Variants in WASF2 observed in about 807,000 individuals in gnomAD.
The protein encoded by WASF2 is actin-binding protein WASF2.
In WASF2, 14 loss-of-function variants were observed where a neutral mutation model predicts 45.0. The observed-to-expected ratio is 0.31, with a 90% CI of 0.21 to 0.49. The LOEUF is 0.49. Ranked by LOEUF, WASF2 falls within the 20% of genes least tolerant of loss-of-function variation. The pLI is 0.99. For missense variants in WASF2, 439 were observed against 636.1 expected, an observed-to-expected ratio of 0.69 and a Z score of 3.33; for synonymous variants, 200 against 236.3, an observed-to-expected ratio of 0.85 and a Z score of 1.41.
Position 27,410,137 on chromosome 1 carries a change from G to T in WASF2, c.894C>A (p.Ser298Arg). The T allele has an allele frequency of 6.2e-7, 1 of 1,613,936 alleles. No homozygotes were observed. Among genetic ancestry groups the T allele is most frequent in the Non-Finnish European group, 8.5e-7 (1 of 1,179,900 alleles). ...CTAGAGGAGGAGCTGGTGGTGGATG[G>T]CTTGGGCTGACCACACTGGATCTTT... Reference protein sequence around the residue: ...GPKRSSVVSPSHPPPAPPLGS... With the variant: ...GPKRSSVVSPRHPPPAPPLGS... Residue 298 changes from serine (S) to arginine (R), a missense_variant, in exon 8 of 9, where the codon AGC (serine) becomes AGA (arginine). Physicochemically the swap from Ser to Arg is moderately radical, Grantham distance 110. This residue lies in a region of WASF2 where 286 missense variants were observed against 373.5 expected (regional missense o/e 0.77). Coordinates refer to ENST00000618852, the MANE Select transcript of WASF2 (RefSeq NM_006990.5). This position sits in a 1 kb window ranked among gnomAD's most constrained non-coding sequence, Gnocchi z 4.2.
intron 1 of WASF2, among the ~76,000 whole-genome samples, chr1:27,470,321 ACACCT>A (rs759783596): frequency 2.8e-4 from 43 of 152,332 alleles, no homozygotes; most frequent in Non-Finnish European, 5.1e-4. Context: ...AAGAAACTAT[ACACCT>A]CACCTAAGTT....
At chr1:27,418,867 G>A (rs1004312036) in intron 3 of WASF2, 87 bp downstream of exon 3, 26 of 1,099,668 alleles carry the variant, frequency 2.4e-5, no homozygotes, top group African/African-American at 3.3e-5. Context: ...CTCTCCTCAC[G>A]TTTTTTTTTT....
chr1:27,473,308 G>A (rs188122740), intron 1 of WASF2, among the ~76,000 whole-genome samples: 3 of 151,602 alleles, frequency 2.0e-5, no homozygotes, highest in East Asian at 3.9e-4. Flanking sequence ...GTGAAACCCC[G>A]TCTCTACTAA....
intron 1 of WASF2, chr1:27,459,198 T>C (rs1359372527): frequency 6.6e-6 from 1 of 152,204 alleles, no homozygotes; most frequent in African/African-American, 2.4e-5. Context: ...GCCGTGCCTG[T>C]CATGCAGTCT....
chr1:27,417,193 C>T (rs1014126851), intron 4 of WASF2, among the ~76,000 whole-genome samples: 3 of 152,070 alleles, frequency 2.0e-5, no homozygotes, highest in African/African-American at 7.2e-5. Flanking sequence ...TTATGCAATC[C>T]CACCACACAA....
At chr1:27,426,175 G>A (rs1041336575) in intron 2 of WASF2, among the ~76,000 whole-genome samples, 1 of 152,206 alleles carries the variant, frequency 6.6e-6, no homozygotes, top group African/African-American at 2.4e-5. Flanking sequence ...GTTGCGATGT[G>A]TACTCTGACT....
In WASF2 at chr1:27,414,874, C is replaced by A. The variant is rs879045639; in HGVS notation, c.627G>T (p.Gly209=). ...RKEEWEKMKM[G]QEFVESKEKL... Reference sequence around the variant, plus strand: ...TTTCTTTGGACTCCACAAATTCTTGCCCCATCTTCATTTTCTCCCACTCTT... The same window carrying A: ...TTTCTTTGGACTCCACAAATTCTTGACCCATCTTCATTTTCTCCCACTCTT... Residue 209 remains glycine, a synonymous_variant, in exon 6 of 9, where the codon GGG becomes GGT. Coordinates refer to ENST00000618852, the MANE Select transcript of WASF2 (RefSeq NM_006990.5). The surrounding 1 kb of genome is among the most constrained non-coding windows in gnomAD (Gnocchi z 4.1). The A allele has an allele frequency of 6.2e-7, 1 of 1,614,174 alleles. No individual in the cohort carries two copies. The highest frequency in any genetic ancestry group is 8.5e-7 in the Non-Finnish European group (1 of 1,180,022).
At chr1:27,452,092 A>C (rs1401654309) in intron 1 of WASF2, among the ~76,000 whole-genome samples, 1 of 152,208 alleles carries the variant, frequency 6.6e-6, no homozygotes, top group Non-Finnish European at 1.5e-5. Context: ...TCTGAGCCTC[A>C]GTTTTTACTT....
chr1:27,416,468 T>C lies in WASF2; in HGVS notation c.420-366A>G, dbSNP rs139435866. 2.3e-3 allele frequency among the ~76,000 whole-genome samples: 353 copies of C among 152,288 alleles called. 2 individuals carry two copies. The highest frequency in any genetic ancestry group is 8.0e-3 in the African/African-American group (333 of 41,558). ...CATCAGAGGGGATTTCTACCACTGGTTCCTCTTTTCCCACCAGTTCCCCAA... is the reference window on the plus strand; with the variant it reads ...CATCAGAGGGGATTTCTACCACTGGCTCCTCTTTTCCCACCAGTTCCCCAA... On this transcript the variant is annotated intron_variant, in intron 4 of 8. Coordinates refer to ENST00000618852, the MANE Select transcript of WASF2 (RefSeq NM_006990.5).
At chr1:27,436,281 A>G (rs1447897838) in intron 1 of WASF2, among the ~76,000 whole-genome samples, 1 of 152,082 alleles carries the variant, frequency 6.6e-6, no homozygotes, top group African/African-American at 2.4e-5. Context: ...CCTCATCTCT[A>G]TTAAAAACAA....
chr1:27,460,931 G>T (rs1465692466), intron 1 of WASF2, among the ~76,000 whole-genome samples: 1 of 152,150 alleles, frequency 6.6e-6, no homozygotes. Flanking sequence ...GAGGTCAGGA[G>T]ATCGAGACCA....
chr1:27,446,490 C>A (rs2017311022), intron 1 of WASF2, among the ~76,000 whole-genome samples: 1 of 152,102 alleles, frequency 6.6e-6, no homozygotes, highest in Admixed American at 6.6e-5. Flanking sequence ...AAGACAACTC[C>A]AAGACAAAAT....
intron 1 of WASF2, among the ~76,000 whole-genome samples, chr1:27,455,233 T>C (rs537768164): frequency 4.5e-4 from 68 of 152,206 alleles, no homozygotes; most frequent in Non-Finnish European, 5.1e-4. Context: ...CCACCCCTTT[T>C]CATAGGAAGG....
chr1:27,428,486 G>A (rs568751377), intron 2 of WASF2, among the ~76,000 whole-genome samples: 2 of 152,278 alleles, frequency 1.3e-5, no homozygotes, highest in Admixed American at 1.3e-4. Context: ...AGTTTTTGCT[G>A]CAGCCCTTCC....
chr1:27,428,337 T>C (rs2017015271), intron 2 of WASF2, among the ~76,000 whole-genome samples: 1 of 152,180 alleles, frequency 6.6e-6, no homozygotes, highest in African/African-American at 2.4e-5. Flanking sequence ...ATAAAAACTA[T>C]TGGCACATTT....
At chr1:27,419,850 A>T (rs902619611) in intron 2 of WASF2, among the ~76,000 whole-genome samples, 7 of 152,100 alleles carry the variant, frequency 4.6e-5, no homozygotes, top group Non-Finnish European at 1.0e-4. Flanking sequence ...CATAGCAGAG[A>T]TATACAACTT....
At position 27,457,000 on chromosome 1, in the gene WASF2, C is replaced by A. The variant is rs1275411689; in HGVS notation, c.-43-28067G>T. Among the ~76,000 whole-genome samples, 4 of 152,098 alleles carry A rather than the reference C, an allele frequency of 2.6e-5. No individual in the cohort carries two copies. The South Asian group carries it at 6.2e-4, about 24-fold the overall frequency. On this transcript the variant is annotated intron_variant, in intron 1 of 8. Coordinates refer to ENST00000618852, the MANE Select transcript of WASF2 (RefSeq NM_006990.5). ...CAGGTGATCTGCCCGTCTCGGCCCC[C>A]CAAAGTGCTGGGATTTACAGGCGTG... is the stretch of plus-strand genomic sequence containing the variant.
chr1:27,484,338 A>G (rs1160889878), intron 1 of WASF2, among the ~76,000 whole-genome samples: 1 of 152,248 alleles, frequency 6.6e-6, no homozygotes, highest in Non-Finnish European at 1.5e-5. Context: ...ACCCAAATTC[A>G]TATGGCTGGT....
chr1:27,408,176 C>A lies in WASF2; in HGVS notation c.*13G>T. 6.2e-7 allele frequency: 1 copy of A among 1,604,518 alleles called. No homozygotes were observed. The highest frequency in any genetic ancestry group is 8.5e-7 in the Non-Finnish European group (1 of 1,172,822). On this transcript the variant is annotated 3_prime_UTR_variant, in exon 9 of 9. Coordinates refer to ENST00000618852, the MANE Select transcript of WASF2 (RefSeq NM_006990.5). Reference sequence around the variant, plus strand: ...AAGGAAAGAAAAAGAAGGTGGGCAGCAGGCAGAAAGAGTTAATCGGACCAG... The same window carrying A: ...AAGGAAAGAAAAAGAAGGTGGGCAGAAGGCAGAAAGAGTTAATCGGACCAG...
Sources: allele counts gnomAD v4.1 joint callset (sites outside exome capture counted in the v4.1 genomes callset), GRCh38; gene constraint gnomAD v4.1.1; regional missense constraint gnomAD v4.1.1; non-coding constraint Gnocchi (gnomAD v3.1); transcripts MANE v1.5; gene names NCBI Gene and HGNC (gene_info 2026-07-23, HGNC 2026-07-21).